PTPRD: variants seen among roughly 807,000 people sequenced by gnomAD.
PTPRD encodes the protein protein tyrosine phosphatase receptor type D.
Under a neutral mutation model 214.5 loss-of-function variants are expected in PTPRD, and 34 were observed. The observed-to-expected ratio is 0.16, with a 90% confidence interval of 0.12 to 0.21. The LOEUF is 0.21. Ranked by LOEUF, PTPRD falls within the 10% of genes least tolerant of loss-of-function variation. The pLI is 1.00. For synonymous variants in PTPRD, 1,128 were observed against 845.7 expected, an observed-to-expected ratio of 1.33 and a Z score of -5.79; for missense variants, 2,545 against 2,398.7, an observed-to-expected ratio of 1.06 and a Z score of -1.27.
chr9:9,058,692 G>C (rs542091120), intron 10 of PTPRD, among the ~76,000 whole-genome samples: 12 of 150,818 alleles, frequency 8.0e-5, no homozygotes, highest in Non-Finnish European at 1.5e-4. Flanking sequence ...CTCGTGATCC[G>C]CCCGCCTCGG....
chr9:10,503,774 T>C (rs905998672), intron 2 of PTPRD, among the ~76,000 whole-genome samples: 2 of 151,632 alleles, frequency 1.3e-5, no homozygotes, highest in African/African-American at 2.4e-5. Flanking sequence ...TAAAGCCAAA[T>C]AGGGGACAAT....
chr9:9,789,796 C>A (rs377677377), intron 5 of PTPRD, among the ~76,000 whole-genome samples: 11,200 of 40,868 alleles, frequency 0.27, 2,504 homozygotes, highest in Middle Eastern at 0.46. Flanking sequence ...AACTCTGTCT[C>A]AAAAAAAAAA....
chr9:10,144,126 TAGAG>T (rs1415507990), intron 3 of PTPRD, among the ~76,000 whole-genome samples: 1 of 152,118 alleles, frequency 6.6e-6, no homozygotes, highest in African/African-American at 2.4e-5. Flanking sequence ...TAAAAATAAA[TAGAG>T]AATAAATGAA....
intron 11 of PTPRD, among the ~76,000 whole-genome samples, chr9:8,746,041 A>C (rs928567540): frequency 2.0e-5 from 3 of 151,988 alleles, no homozygotes; most frequent in African/African-American, 7.2e-5. Context: ...CAATCCTCCC[A>C]AACTGGCCTC....
chr9:9,531,814 G>T (rs1417879136), intron 8 of PTPRD, among the ~76,000 whole-genome samples: 1 of 152,026 alleles, frequency 6.6e-6, no homozygotes, highest in East Asian at 1.9e-4. Flanking sequence ...TTAACTTACT[G>T]AGAACAGTTC....
intron 3 of PTPRD, among the ~76,000 whole-genome samples, chr9:10,141,536 A>G (rs184805688): frequency 0.031 from 4,661 of 152,184 alleles, 246 homozygotes; most frequent in African/African-American, 0.11. Flanking sequence ...TAGGAATTCA[A>G]CTTACAAGGG....
chr9:10,471,723 A>C (rs1486140544), intron 2 of PTPRD, among the ~76,000 whole-genome samples: 4 of 152,154 alleles, frequency 2.6e-5, no homozygotes, highest in African/African-American at 9.7e-5. Context: ...TATATAGATA[A>C]AGAAGTCATC....
intron 4 of PTPRD, among the ~76,000 whole-genome samples, chr9:9,962,764 A>ATAAG (rs2094448108): frequency 6.6e-6 from 1 of 152,112 alleles, no homozygotes; most frequent in Non-Finnish European, 1.5e-5. Context: ...TACACATTCA[A>ATAAG]TAAGTTTCAT....
rs1002256140 is a variant in PTPRD at position 10,349,229 on chromosome 9, A to G, written c.-599-8212T>C. Among the ~76,000 whole-genome samples, 6 of 120,694 alleles carry G rather than the reference A, an allele frequency of 5.0e-5. No homozygotes were observed. The South Asian group carries it at 1.4e-3, about 29-fold the overall frequency. The allele number at this position is 120,694 out of a possible 152,430, so 79.2% of individuals were successfully genotyped here. On this transcript the variant is annotated intron_variant, in intron 2 of 45. Coordinates refer to ENST00000381196, the MANE Select transcript of PTPRD (RefSeq NM_002839.4). ...GAAGCCCTCAAAATCATCTTTGGGG[A>G]AAGTCATAGACCTGTCTCCAGTGGG...
At chr9:9,593,202 T>A (rs1316231980) in intron 7 of PTPRD, among the ~76,000 whole-genome samples, 4 of 151,756 alleles carry the variant, frequency 2.6e-5, no homozygotes, top group Non-Finnish European at 5.9e-5. Flanking sequence ...TTTTGTTTTT[T>A]TTTTGTTTTT....
chr9:10,495,580 T>C (rs2041810838), intron 2 of PTPRD, among the ~76,000 whole-genome samples: 1 of 151,934 alleles, frequency 6.6e-6, no homozygotes, highest in African/African-American at 2.4e-5. Context: ...GTGTCTTATA[T>C]TCATTGTCTC....
At chr9:9,032,011 C>G (rs2099607130) in intron 10 of PTPRD, among the ~76,000 whole-genome samples, 1 of 136,294 alleles carries the variant, frequency 7.3e-6, no homozygotes, top group South Asian at 2.3e-4. Context: ...ATTTGAACTC[C>G]TGTAATCTTT....
intron 22 of PTPRD, among the ~76,000 whole-genome samples, chr9:8,505,899 G>T (rs2097534952): frequency 6.6e-6 from 1 of 152,088 alleles, no homozygotes; most frequent in African/African-American, 2.4e-5. Context: ...CGTGATGAAG[G>T]TTTAAACAAT....
chr9:8,421,926 T>G (rs753579158), intron 35 of PTPRD, among the ~76,000 whole-genome samples: 29 of 151,740 alleles, frequency 1.9e-4, no homozygotes, highest in Non-Finnish European at 3.7e-4. Flanking sequence ...GGCAGGTGGA[T>G]AGCCTGAGCC....
At chr9:8,964,425 G>A (rs1390559700) in intron 11 of PTPRD, among the ~76,000 whole-genome samples, 1 of 151,200 alleles carries the variant, frequency 6.6e-6, no homozygotes, top group African/African-American at 2.4e-5. Flanking sequence ...GTTTCTGATT[G>A]TGCTTATTTA....
intron 10 of PTPRD, among the ~76,000 whole-genome samples, chr9:9,130,530 A>G (rs2099841025): frequency 6.6e-6 from 1 of 152,196 alleles, no homozygotes; most frequent in South Asian, 2.1e-4. Context: ...CCAGAAAACA[A>G]TCAATATCTA....
At position 9,426,763 on chromosome 9, in the gene PTPRD, T is replaced by C. The variant is rs562649714; in HGVS notation, c.-236-29281A>G. Among the ~76,000 whole-genome samples the C allele has an allele frequency of 6.6e-5, 10 of 152,278 alleles. No homozygotes were observed. In the East Asian group the frequency reaches 1.7e-3, roughly 27 times the overall value. On this transcript the variant is annotated intron_variant, in intron 8 of 45. Transcript: ENST00000381196. ...TGCCGTTCTGCAATATTCACTGTTC[T>C]GCACCCTCCGCTGGTGATACCCAGG...
intron 11 of PTPRD, among the ~76,000 whole-genome samples, chr9:8,835,173 C>T (rs1354931023): frequency 3.3e-5 from 5 of 152,182 alleles, no homozygotes; most frequent in Non-Finnish European, 5.9e-5. Flanking sequence ...GACCCCAGCT[C>T]CTGGCATAGC....
chr9:8,394,721 C>A (rs983896805), intron 36 of PTPRD, among the ~76,000 whole-genome samples: 2 of 152,122 alleles, frequency 1.3e-5, no homozygotes, highest in African/African-American at 4.8e-5. Context: ...TAAATAGAGG[C>A]TTTGTGTCTC....
Sources: allele counts gnomAD v4.1 joint callset (sites outside exome capture counted in the v4.1 genomes callset), GRCh38; gene constraint gnomAD v4.1.1; transcripts MANE v1.5; gene names NCBI Gene and HGNC (gene_info 2026-07-23, HGNC 2026-07-21).